Variants in GALC observed in about 807,000 individuals in gnomAD.
GALC encodes the protein galactosylceramidase, also known as galactocerebrosidase.
Under a neutral mutation model 91.8 loss-of-function variants are expected in GALC, and 77 were observed. That is an observed-to-expected ratio of 0.84 (90% confidence interval 0.70 to 1.01). The LOEUF (loss-of-function observed/expected upper bound fraction) is 1.01. GALC is among the 50% of genes least tolerant of loss of function. The pLI is 0.00. For missense variants in GALC, 882 were observed against 855.9 expected, an observed-to-expected ratio of 1.03 and a Z score of -0.38; for synonymous variants, 357 against 306.7, an observed-to-expected ratio of 1.16 and a Z score of -1.71.
chr14:87,957,802 C>A (rs1885622295), intron 10 of GALC, among the ~76,000 whole-genome samples: 1 of 151,966 alleles, frequency 6.6e-6, no homozygotes, highest in East Asian at 1.9e-4. Context: ...TAACCAAGAA[C>A]CAATAGTTCT....
Position 87,949,507 on chromosome 14 carries a change from C to T in GALC, c.1338+338G>A, listed in dbSNP as rs573813516. On this transcript the variant is annotated intron_variant, in intron 12 of 16. Transcript: ENST00000261304. ...AGGCAGTTTCTGAAATCCAGGAGAG[C>T]GATAATGAAGAACTGAAACAAGAAG... 6.9e-4 allele frequency among the ~76,000 whole-genome samples: 105 copies of T among 151,822 alleles called. 1 individual carries two copies. Among genetic ancestry groups the T allele is most frequent in the African/African-American group, 2.3e-3 (97 of 41,432 alleles).
chr14:87,940,665 CCTA>C (rs1253991974), intron 15 of GALC, among the ~76,000 whole-genome samples: 3 of 151,902 alleles, frequency 2.0e-5, no homozygotes, highest in Non-Finnish European at 2.9e-5. Flanking sequence ...ATCCTTACTA[CCTA>C]CTTCCTCTTT....
intron 16 of GALC, among the ~76,000 whole-genome samples, chr14:87,936,812 C>T (rs1661325): frequency 0.96 from 142,300 of 148,670 alleles, 68,412 homozygotes; most frequent in Non-Finnish European, 1. Context: ...TGAGGAAATA[C>T]GAATGCTGGT....
chr14:87,963,368 A>G lies in GALC; in HGVS notation c.1161+16T>C, dbSNP rs1157400189. 1.2e-6 allele frequency: 2 copies of G among 1,612,510 alleles called. No homozygotes were observed. The highest frequency in any genetic ancestry group is 2.2e-5 in the South Asian group (2 of 91,056). ...TAAAGAAGTGAGTTAATCCAATAGC[A>G]ACAACAAAAGTTTACCATGGTTTCA... On this transcript the variant is annotated intron_variant, in intron 10 of 16. Transcript: ENST00000261304.
chr14:87,977,879 G>A (rs969789629), intron 6 of GALC, among the ~76,000 whole-genome samples: 4 of 152,138 alleles, frequency 2.6e-5, no homozygotes, highest in Admixed American at 6.5e-5. Flanking sequence ...AAAATTAGAG[G>A]TGGCAGTCTA....
At chr14:87,967,442 AAAGAG>A (rs1886103050) in intron 8 of GALC, among the ~76,000 whole-genome samples, 2 of 152,188 alleles carry the variant, frequency 1.3e-5, no homozygotes, top group Non-Finnish European at 2.9e-5. Context: ...TTTCTTTCAC[AAAGAG>A]AAGAAAAAGA....
In GALC at chr14:87,993,161, C is replaced by T. The variant is rs990036873; in HGVS notation, c.4G>A (p.Ala2Thr). The T allele has an allele frequency of 1.9e-6, 3 of 1,590,644 alleles. No individual in the cohort carries two copies. Among genetic ancestry groups the T allele is most frequent in the Non-Finnish European group, 1.7e-6 (2 of 1,168,872 alleles). ...CAGGAAGCCGAGAGTAGCCACTCAG[C>T]CATTGTGTGGGTCACATGACTCCGG... M[A>T]EWLLSASWQR... The change falls in exon 1 of 17, where the codon GCT (alanine) becomes ACT (threonine). Residue 2 changes from alanine (A) to threonine (T), a missense_variant. Transcript: ENST00000261304.
At chr14:87,947,679 C>T in intron 13 of GALC, 49 bp downstream of exon 13, 2 of 1,558,690 alleles carry the variant, frequency 1.3e-6, no homozygotes, top group Non-Finnish European at 1.8e-6. Context: ...AATCAACACA[C>T]TACTGTTAAA....
intron 14 of GALC, among the ~76,000 whole-genome samples, chr14:87,943,487 T>C (rs434894): frequency 0.96 from 145,579 of 152,084 alleles, 69,972 homozygotes; most frequent in Non-Finnish European, 1. Flanking sequence ...AACAAATTTC[T>C]CATTTCCTAC....
chr14:87,980,408 T>G (rs1595231315), intron 6 of GALC: 1 of 618,704 alleles, frequency 1.6e-6, no homozygotes, highest in Non-Finnish European at 2.0e-6. Context: ...ATTATTCCAG[T>G]GAATACATTA....
chr14:87,984,460 G>T lies in GALC; in HGVS notation c.516C>A (p.Ala172=), dbSNP rs1248283732. The T allele has an allele frequency of 1.4e-5, 23 of 1,613,990 alleles. No homozygotes were observed. Among genetic ancestry groups the T allele is most frequent in the Non-Finnish European group, 1.9e-5 (22 of 1,179,912 alleles). ...CCACAATCCAGGTCACGACATAATAGGCAGTCAGCTGAAGATTGACATAAG... is the reference window on the plus strand; with the variant it reads ...CCACAATCCAGGTCACGACATAATATGCAGTCAGCTGAAGATTGACATAAG... ...DWPYVNLQLT[A]YYVVTWIVGA... The change falls in exon 5 of 17, where the codon GCC becomes GCA. Residue 172 remains alanine (A), a synonymous_variant. Transcript: ENST00000261304.
rs746255124 is a variant in GALC, at chr14:87,945,492, T to C, written c.1670+61A>G. 5.9e-5 allele frequency: 73 copies of C among 1,239,004 alleles called. No homozygotes were observed. In the South Asian group the frequency reaches 5.9e-4, roughly 10 times the overall value. 76.8% of individuals were successfully genotyped at this position (1,239,004 alleles called of 1,614,324 possible). A position where few individuals can be genotyped will look rare whatever the true frequency, so the allele number is the denominator to read the frequency against. ...CCATTGAAAACTCTTCACTTCAAAA[T>C]GTACCTGACAATATTACAAGGGTAT... On this transcript the variant is annotated intron_variant, in intron 14 of 16. Coordinates refer to ENST00000261304, the MANE Select transcript of GALC (RefSeq NM_000153.4).
At chr14:87,963,323 A>G (rs763492801) in intron 10 of GALC, 61 bp downstream of exon 10, 1 of 1,520,640 alleles carries the variant, frequency 6.6e-7, no homozygotes, top group South Asian at 1.1e-5. Flanking sequence ...ATTCAGTTTT[A>G]TATTTTATTT....
At chr14:87,954,544 C>G (rs992520263) in intron 10 of GALC, 50 of 1,559,540 alleles carry the variant, frequency 3.2e-5, no homozygotes, top group Non-Finnish European at 4.3e-5. Flanking sequence ...CCTGTGAGTG[C>G]TTGTTTGATG....
intron 6 of GALC, chr14:87,981,458 A>C: frequency 1.6e-5 from 3 of 186,268 alleles, no homozygotes; most frequent in Non-Finnish European, 3.2e-5. Context: ...CTATGGAAAT[A>C]AAAAAAAATT....
chr14:87,954,167 G>T (rs17760097), intron 10 of GALC: 226,832 of 1,596,798 alleles, frequency 0.14, 17,634 homozygotes, highest in Non-Finnish European at 0.16. Flanking sequence ...TACTGGCACA[G>T]GTGTCCTCAA....
intron 13 of GALC, among the ~76,000 whole-genome samples, chr14:87,947,165 C>T (rs1204892433): frequency 6.6e-6 from 1 of 152,050 alleles, no homozygotes; most frequent in East Asian, 1.9e-4. Flanking sequence ...AATATAACTA[C>T]AATGACCATG....
intron 6 of GALC, among the ~76,000 whole-genome samples, chr14:87,980,958 G>T (rs904126608): frequency 1.3e-5 from 2 of 152,082 alleles, no homozygotes; most frequent in African/African-American, 4.8e-5. Flanking sequence ...CTATAAACAC[G>T]CATGTGCAAG....
chr14:87,947,316 C>T (rs1428256560), intron 13 of GALC, among the ~76,000 whole-genome samples: 1 of 151,860 alleles, frequency 6.6e-6, no homozygotes, highest in African/African-American at 2.4e-5. Context: ...TGAGTTGGAT[C>T]AGCCAAGGAC....
Sources: gnomAD v4.1 joint callset for allele counts (sites outside exome capture counted in the v4.1 genomes callset) on GRCh38, gnomAD v4.1.1 for gene constraint, MANE v1.5 for transcripts, NCBI Gene and HGNC (gene_info 2026-07-23, HGNC 2026-07-21) for gene names.